ARHGAP24: variants seen among roughly 807,000 people sequenced by gnomAD.
ARHGAP24 encodes Rho GTPase activating protein 24.
A neutral mutation model predicts 76.4 loss-of-function variants in ARHGAP24; 50 were observed. The ratio of observed to expected loss-of-function variants is 0.65; its 90% confidence interval spans 0.52 to 0.83. ARHGAP24 has a LOEUF of 0.83. Ranked by LOEUF, ARHGAP24 falls within the 40% of genes least tolerant of loss-of-function variation. The pLI is 0.00. For missense variants in ARHGAP24, 930 were observed against 914.2 expected, an observed-to-expected ratio of 1.02 and a Z score of -0.22; for synonymous variants, 345 against 323.3, an observed-to-expected ratio of 1.07 and a Z score of -0.72.
chr4:85,605,335 A>T (rs987995950), intron 2 of ARHGAP24, among the ~76,000 whole-genome samples: 5 of 152,186 alleles, frequency 3.3e-5, no homozygotes, highest in Middle Eastern at 6.3e-3. Flanking sequence ...CTCTTTCCAG[A>T]TGGGAAGTCC....
chr4:85,839,401 T>C (rs951138868), intron 3 of ARHGAP24, among the ~76,000 whole-genome samples: 2 of 152,224 alleles, frequency 1.3e-5, no homozygotes, highest in African/African-American at 4.8e-5. Context: ...AGAACTTCTT[T>C]ATCAGTTCAG....
chr4:85,534,070 A>T (rs1445839210), intron 1 of ARHGAP24, among the ~76,000 whole-genome samples: 1 of 152,166 alleles, frequency 6.6e-6, no homozygotes, highest in Non-Finnish European at 1.5e-5. Flanking sequence ...TCTGATGTAC[A>T]TGGGCCCAGT....
rs149051252 is a variant in ARHGAP24 at position 85,751,501 on chromosome 4, A to G, written c.268+29529A>G. Among the ~76,000 whole-genome samples the G allele has an allele frequency of 4.2e-3, 646 of 152,328 alleles. 4 individuals carry two copies. Among genetic ancestry groups the G allele is most frequent in the Non-Finnish European group, 7.7e-3 (527 of 68,028 alleles). ...ATCAGTCAAAAATTGGCAATGTTATATGGTTTAACCTAAGATACATTGCCA... is the reference window on the plus strand; with the variant it reads ...ATCAGTCAAAAATTGGCAATGTTATGTGGTTTAACCTAAGATACATTGCCA... On this transcript the variant is annotated intron_variant, in intron 3 of 9. Coordinates refer to ENST00000395184, the MANE Select transcript of ARHGAP24 (RefSeq NM_001025616.3).
chr4:85,995,455 C>G lies in ARHGAP24; in HGVS notation c.1801C>G (p.Leu601Val). The change falls in exon 9 of 10, where the codon CTT (leucine) becomes GTT (valine). Residue 601 changes from leucine (L) to valine (V), a missense_variant. Transcript: ENST00000395184. ...TTTGGATGGGCCCCCGCAGGACGAC[C>G]TTTCCCACCCCAGGGACTATGAAAG... ...PVLDGPPQDD[L>V]SHPRDYESKS... 6.2e-7 allele frequency: 1 copy of G among 1,606,522 alleles called. No homozygotes were observed.
intron 2 of ARHGAP24, among the ~76,000 whole-genome samples, chr4:85,701,854 T>C (rs1334830284): frequency 6.6e-6 from 1 of 152,150 alleles, no homozygotes; most frequent in Non-Finnish European, 1.5e-5. Flanking sequence ...TGGAAACATA[T>C]GGTAAATGGA....
intron 3 of ARHGAP24, among the ~76,000 whole-genome samples, chr4:85,865,222 A>C (rs1012444766): frequency 2.0e-5 from 3 of 150,742 alleles, no homozygotes; most frequent in African/African-American, 7.5e-5. Flanking sequence ...TATAAATAAA[A>C]AACTTTTTTA....
chr4:85,564,947 T>C (rs1381780423), intron 1 of ARHGAP24, among the ~76,000 whole-genome samples: 1 of 105,412 alleles, frequency 9.5e-6, no homozygotes, highest in East Asian at 2.4e-4. Context: ...TATATATATA[T>C]ATATATATAT....
intron 3 of ARHGAP24, among the ~76,000 whole-genome samples, chr4:85,890,907 A>C (rs1733851688): frequency 6.6e-6 from 1 of 152,204 alleles, no homozygotes. Flanking sequence ...GCCCTAAAAC[A>C]GAGTGGGCAC....
At chr4:85,651,337 C>A (rs1184129269) in intron 2 of ARHGAP24, among the ~76,000 whole-genome samples, 2 of 149,086 alleles carry the variant, frequency 1.3e-5, no homozygotes, top group East Asian at 1.9e-4. Context: ...GAGACTAATT[C>A]ATCAGTCCAG....
At chr4:85,888,154 G>A (rs1733671292) in intron 3 of ARHGAP24, among the ~76,000 whole-genome samples, 1 of 152,084 alleles carries the variant, frequency 6.6e-6, no homozygotes, top group Non-Finnish European at 1.5e-5. Context: ...TGTAATCCCA[G>A]CATTTTGGGA....
At chr4:85,554,037 T>A (rs1726252171) in intron 1 of ARHGAP24, among the ~76,000 whole-genome samples, 1 of 152,196 alleles carries the variant, frequency 6.6e-6, no homozygotes. Flanking sequence ...ACCATTTGCT[T>A]GTCTTACTTC....
chr4:85,917,278 T>C (rs1330771064), intron 3 of ARHGAP24, among the ~76,000 whole-genome samples: 2 of 152,126 alleles, frequency 1.3e-5, no homozygotes, highest in Non-Finnish European at 2.9e-5. Flanking sequence ...TTCCATGGTG[T>C]ATATGTGCCA....
At chr4:85,482,912 A>C (rs55724051) in intron 1 of ARHGAP24, among the ~76,000 whole-genome samples, 13,196 of 152,220 alleles carry the variant, frequency 0.087, 681 homozygotes, top group Non-Finnish European at 0.12. Flanking sequence ...ACTCCAAGAG[A>C]GCAACCTTTA....
rs572716042 is a variant in ARHGAP24, at chr4:85,750,741, A to C, written c.268+28769A>C. On this transcript the variant is annotated intron_variant, in intron 3 of 9. Coordinates refer to ENST00000395184, the MANE Select transcript of ARHGAP24 (RefSeq NM_001025616.3). ...GAATTCCTGACCCATCAGGTGATCC[A>C]CCCACCTCAGCCTCCCAAAGTGCGG... is the stretch of plus-strand genomic sequence containing the variant. Among the ~76,000 whole-genome samples the C allele has an allele frequency of 2.3e-4, 35 of 151,678 alleles. 1 individual carries two copies. In the South Asian group the frequency reaches 7.1e-3, roughly 31 times the overall value.
chr4:85,744,658 A>G (rs1725959706), intron 3 of ARHGAP24, among the ~76,000 whole-genome samples: 2 of 152,102 alleles, frequency 1.3e-5, no homozygotes, highest in African/African-American at 4.8e-5. Context: ...CACGCGTTAG[A>G]GGCAAACCAA....
chr4:85,790,659 T>A (rs1195928521), intron 3 of ARHGAP24, among the ~76,000 whole-genome samples: 1 of 152,210 alleles, frequency 6.6e-6, no homozygotes, highest in Non-Finnish European at 1.5e-5. Context: ...ATATTTACAG[T>A]GTCTCTTTAG....
At chr4:85,839,856 T>C (rs1730498465) in intron 3 of ARHGAP24, among the ~76,000 whole-genome samples, 1 of 136,668 alleles carries the variant, frequency 7.3e-6, no homozygotes, top group South Asian at 2.4e-4. Context: ...TTTTTTTTTT[T>C]TTTTTTTTTT....
intron 3 of ARHGAP24, among the ~76,000 whole-genome samples, chr4:85,920,471 C>T (rs533771283): frequency 1.7e-3 from 259 of 152,144 alleles, no homozygotes; most frequent in South Asian, 3.5e-3. Context: ...TAGACACAGG[C>T]AAAGATTTCA....
chr4:85,665,605 A>G (rs1722581677), intron 2 of ARHGAP24, among the ~76,000 whole-genome samples: 1 of 152,140 alleles, frequency 6.6e-6, no homozygotes. Flanking sequence ...GTTTCTTCCT[A>G]GCCTCGATGG....
Sources: allele counts gnomAD v4.1 joint callset (sites outside exome capture counted in the v4.1 genomes callset), GRCh38; gene constraint gnomAD v4.1.1; transcripts MANE v1.5; gene names NCBI Gene and HGNC (gene_info 2026-07-23, HGNC 2026-07-21).